AGMO: variants seen among roughly 807,000 people sequenced by gnomAD.
AGMO encodes alkylglycerol monooxygenase.
In AGMO, 75 loss-of-function variants were observed where a neutral mutation model predicts 60.2. The ratio of observed to expected loss-of-function variants is 1.25; its 90% CI spans 1.03 to 1.51. The LOEUF is 1.51. AGMO is among the 40% of genes most tolerant of loss of function. The pLI, the probability that AGMO is intolerant of heterozygous loss-of-function variation, is 0.00. For missense variants in AGMO, 763 were observed against 525.5 expected (o/e 1.45, Z -4.42); for synonymous variants, 261 against 177.1 (o/e 1.47, Z -3.76).
At position 15,354,377 on chromosome 7, in the gene AGMO, T is replaced by TATAC. The variant is rs1554422615; in HGVS notation, c.1263+11133_1263+11136dup. On this transcript the variant is annotated intron_variant, in intron 12 of 12. Transcript: ENST00000342526. ...ATAGACGTGTGTATATAGACGTGTG[T>TATAC]ATACACGTGTGTGTATACACGTGTG... Among the ~76,000 whole-genome samples the TATAC allele has an allele frequency of 6.8e-5, 4 of 58,476 alleles. 1 individual carries two copies. The highest frequency in any genetic ancestry group is 4.7e-4 in the African/African-American group (4 of 8,460). 38.4% of individuals were successfully genotyped at this position (58,476 alleles called of 152,430 possible). A position where few individuals can be genotyped will look rare whatever the true frequency, so the allele number is the denominator to read the frequency against.
At chr7:15,245,023 C>A (rs1412653058) in intron 12 of AGMO, among the ~76,000 whole-genome samples, 1 of 152,128 alleles carries the variant, frequency 6.6e-6, no homozygotes, top group Non-Finnish European at 1.5e-5. Flanking sequence ...ATACATATCT[C>A]ATTCTTAGAC....
At chr7:15,356,182 C>T (rs555455747) in intron 12 of AGMO, among the ~76,000 whole-genome samples, 2 of 152,132 alleles carry the variant, frequency 1.3e-5, no homozygotes, top group Admixed American at 6.5e-5. Flanking sequence ...TTGCTACAAT[C>T]CAGCAATTCC....
chr7:15,118,127 G>A, the AGMO span, among the ~76,000 whole-genome samples: 1 of 150,994 alleles, frequency 6.6e-6, no homozygotes, highest in Non-Finnish European at 1.5e-5. Flanking sequence ...AAACATGCAT[G>A]AGAGTCAAGG....
chr7:15,370,686 G>GCTTTTAAGAGGTGC (rs1554262877), intron 10 of AGMO, among the ~76,000 whole-genome samples: 1 of 151,998 alleles, frequency 6.6e-6, no homozygotes, highest in Admixed American at 6.6e-5. Flanking sequence ...TTGTATGTCT[G>GCTTTTAAGAGGTGC]CTTTTGAGAG....
chr7:15,430,747 A>T (rs1781211956), intron 4 of AGMO, among the ~76,000 whole-genome samples: 1 of 151,608 alleles, frequency 6.6e-6, no homozygotes, highest in East Asian at 1.9e-4. Flanking sequence ...AAAAATAGCC[A>T]TTCACTTTCT....
chr7:15,157,620 A>G, the AGMO span, among the ~76,000 whole-genome samples: 1 of 152,012 alleles, frequency 6.6e-6, no homozygotes, highest in Admixed American at 6.5e-5. Flanking sequence ...ACTTATCCCA[A>G]CTCATCTTCC....
At chr7:15,328,541 A>C (rs1445216903) in intron 12 of AGMO, among the ~76,000 whole-genome samples, 2 of 152,162 alleles carry the variant, frequency 1.3e-5, no homozygotes, top group Non-Finnish European at 1.5e-5. Context: ...GAATAATTGA[A>C]AGACCAATCT....
intron 12 of AGMO, among the ~76,000 whole-genome samples, chr7:15,244,178 A>C (rs924910345): frequency 7.6e-6 from 1 of 132,232 alleles, no homozygotes. Context: ...AAATTTGTAC[A>C]ATAAATAGAA....
chr7:15,172,228 G>A, the AGMO span, among the ~76,000 whole-genome samples: 1 of 152,214 alleles, frequency 6.6e-6, no homozygotes, highest in Non-Finnish European at 1.5e-5. Context: ...TTGTGTACAA[G>A]ATTGCCAACA....
chr7:15,258,762 A>G (rs1049129801), intron 12 of AGMO, among the ~76,000 whole-genome samples: 1 of 151,830 alleles, frequency 6.6e-6, no homozygotes, highest in African/African-American at 2.4e-5. Flanking sequence ...CTTTCTAGAC[A>G]CTCGCCAGTA....
At chr7:15,379,797 A>G (rs185977973) in intron 10 of AGMO, among the ~76,000 whole-genome samples, 2 of 152,244 alleles carry the variant, frequency 1.3e-5, no homozygotes, top group African/African-American at 4.8e-5. Flanking sequence ...GCATCACATC[A>G]AAAAGCTTAT....
At chr7:15,522,537 A>G (rs187421204) in intron 3 of AGMO, among the ~76,000 whole-genome samples, 16 of 152,288 alleles carry the variant, frequency 1.1e-4, no homozygotes, top group Admixed American at 8.5e-4. Context: ...GGCCTCAGAA[A>G]TAACACCACA....
chr7:15,465,357 G>GCA (rs1467715075), intron 3 of AGMO, among the ~76,000 whole-genome samples: 7 of 149,252 alleles, frequency 4.7e-5, no homozygotes, highest in African/African-American at 1.5e-4. Flanking sequence ...ATATACACAC[G>GCA]CACACACACA....
At chr7:15,481,587 A>C (rs1188892003) in intron 3 of AGMO, among the ~76,000 whole-genome samples, 1 of 152,280 alleles carries the variant, frequency 6.6e-6, no homozygotes, top group East Asian at 1.9e-4. Flanking sequence ...AGAAAAAGAA[A>C]AAACTAAAGG....
rs1187508989 is a variant in AGMO at position 15,326,639 on chromosome 7, C to T, written c.1263+38875G>A. On this transcript the variant is annotated intron_variant, in intron 12 of 12. Transcript: ENST00000342526. ...CATATATTTCTCTTACGTGTGCTTA[C>T]AGTAATTTCACATGAAGAAGTGGCT... Among the ~76,000 whole-genome samples the T allele has an allele frequency of 2.0e-5, 3 of 152,112 alleles. No individual in the cohort carries two copies. In the East Asian group the frequency reaches 5.8e-4, roughly 29 times the overall value.
intron 10 of AGMO, among the ~76,000 whole-genome samples, chr7:15,371,701 G>A (rs536094877): frequency 5.3e-4 from 66 of 125,186 alleles, no homozygotes; most frequent in African/African-American, 1.6e-3. Context: ...CCCAGCCAAC[G>A]GCTGATTTTT....
intron 5 of AGMO, among the ~76,000 whole-genome samples, chr7:15,412,870 T>C (rs1482548100): frequency 1.3e-5 from 2 of 151,958 alleles, no homozygotes; most frequent in Non-Finnish European, 2.9e-5. Flanking sequence ...AGAATCATAA[T>C]AAGGAATGGT....
intron 12 of AGMO, among the ~76,000 whole-genome samples, chr7:15,219,694 G>C (rs1310691582): frequency 2.6e-5 from 4 of 152,086 alleles, no homozygotes; most frequent in Non-Finnish European, 4.4e-5. Flanking sequence ...TGGGTAAGTG[G>C]ATGAGAGTCC....
the AGMO span, among the ~76,000 whole-genome samples, chr7:15,191,541 A>G: frequency 6.6e-6 from 1 of 152,180 alleles, no homozygotes; most frequent in Non-Finnish European, 1.5e-5. Flanking sequence ...ACTACTGAAC[A>G]TGAACTTTTG....
Sources: allele counts gnomAD v4.1 joint callset (sites outside exome capture counted in the v4.1 genomes callset), GRCh38; gene constraint gnomAD v4.1.1; transcripts MANE v1.5; gene names NCBI Gene and HGNC (gene_info 2026-07-23, HGNC 2026-07-21).